The following CCDC171 variants were observed in gnomAD, a reference collection of about 807,000 sequenced individuals.
The protein encoded by CCDC171 is coiled-coil domain-containing protein 171.
A neutral mutation model predicts 168.2 loss-of-function variants in CCDC171; 177 were observed. That is an observed-to-expected ratio of 1.05 (90% confidence interval 0.93 to 1.19). The LOEUF (loss-of-function observed/expected upper bound fraction) is 1.19. Ranked by LOEUF, CCDC171 falls within the 50% of genes most tolerant of loss-of-function variation. CCDC171 has a pLI of 0.00. For synonymous variants in CCDC171, 687 were observed against 540.8 expected (o/e 1.27, Z -3.75); for missense variants, 1,991 against 1,539.0 (o/e 1.29, Z -4.91).
intron 2 of CCDC171, among the ~76,000 whole-genome samples, chr9:15,571,389 G>A (rs1243595125): frequency 1.3e-5 from 2 of 152,152 alleles, no homozygotes; most frequent in African/African-American, 2.4e-5. Flanking sequence ...GAATAATGTG[G>A]TAATTTCCCA....
intron 7 of CCDC171, among the ~76,000 whole-genome samples, chr9:15,647,701 A>G (rs982979976): frequency 6.6e-6 from 1 of 152,222 alleles, no homozygotes; most frequent in African/African-American, 2.4e-5. Flanking sequence ...AACCAGGAAG[A>G]GGTTGAATCC....
intron 7 of CCDC171, among the ~76,000 whole-genome samples, chr9:15,623,689 G>A (rs1235770281): frequency 1.3e-5 from 2 of 152,086 alleles, no homozygotes; most frequent in Admixed American, 1.3e-4. Context: ...AACTCTCATG[G>A]AATATTTGGG....
At chr9:15,855,756 C>G (rs1454006509) in intron 23 of CCDC171, among the ~76,000 whole-genome samples, 1 of 151,734 alleles carries the variant, frequency 6.6e-6, no homozygotes, top group Non-Finnish European at 1.5e-5. Flanking sequence ...CATCTTAATT[C>G]AAAACAATCT....
chr9:15,758,175 C>G (rs1017844913), intron 18 of CCDC171, among the ~76,000 whole-genome samples: 1 of 152,204 alleles, frequency 6.6e-6, no homozygotes, highest in Non-Finnish European at 1.5e-5. Flanking sequence ...ACACTCAATG[C>G]CAGCCCTTGA....
At chr9:15,822,496 C>T (rs2059822676) in intron 21 of CCDC171, among the ~76,000 whole-genome samples, 1 of 152,066 alleles carries the variant, frequency 6.6e-6, no homozygotes, top group East Asian at 1.9e-4. Flanking sequence ...AGAAAAAAAA[C>T]AAACACCCAC....
chr9:15,773,563 T>A (rs1057176767), intron 18 of CCDC171, among the ~76,000 whole-genome samples: 3 of 152,242 alleles, frequency 2.0e-5, no homozygotes, highest in Non-Finnish European at 2.9e-5. Flanking sequence ...AACAAATGTA[T>A]TTAACATAAG....
chr9:15,590,757 T>TTCTTTCTTTCTTTC (rs144256654), intron 4 of CCDC171, among the ~76,000 whole-genome samples: 7,721 of 132,972 alleles, frequency 0.058, 642 homozygotes, highest in East Asian at 0.14. Context: ...GATTTTTTTC[T>TTCTTTCTTTCTTTC]TCTTTCTTTC....
downstream of CCDC171, among the ~76,000 whole-genome samples, chr9:15,976,678 A>G (rs1316066224): frequency 6.6e-6 from 1 of 151,364 alleles, no homozygotes; most frequent in East Asian, 1.9e-4. Flanking sequence ...ATTAAATTAT[A>G]TATTTAAATA....
chr9:15,790,877 T>C (rs1361241189), intron 21 of CCDC171, among the ~76,000 whole-genome samples: 1 of 152,244 alleles, frequency 6.6e-6, no homozygotes, highest in Non-Finnish European at 1.5e-5. Context: ...TTCTTGTTTT[T>C]GTCAGGTTTG....
At chr9:15,630,205 G>C (rs202086762) in intron 7 of CCDC171, among the ~76,000 whole-genome samples, 1 of 152,156 alleles carries the variant, frequency 6.6e-6, no homozygotes, top group East Asian at 1.9e-4. Context: ...AATGGGCTAA[G>C]TGCTCCAATT....
At chr9:15,985,151 C>T (rs1196230147) in intron 3 of CCDC171, among the ~76,000 whole-genome samples, 1 of 152,064 alleles carries the variant, frequency 6.6e-6, no homozygotes, top group Admixed American at 6.6e-5. Flanking sequence ...AGCAGAGGAA[C>T]ATTTCACTGT....
intron 21 of CCDC171, among the ~76,000 whole-genome samples, chr9:15,795,755 G>A (rs963969725): frequency 2.0e-5 from 3 of 152,198 alleles, no homozygotes; most frequent in African/African-American, 7.2e-5. Flanking sequence ...GCAGCTACAT[G>A]AGAATTTGAC....
At chr9:15,667,864 C>T (rs2133191390) in intron 9 of CCDC171, among the ~76,000 whole-genome samples, 1 of 152,274 alleles carries the variant, frequency 6.6e-6, no homozygotes, top group Admixed American at 6.5e-5. Flanking sequence ...TTGCTTCCCT[C>T]TAGTATGACT....
At chr9:15,924,059 T>C (rs1825635825) in intron 25 of CCDC171, among the ~76,000 whole-genome samples, 1 of 151,464 alleles carries the variant, frequency 6.6e-6, no homozygotes, top group Non-Finnish European at 1.5e-5. Context: ...ATACACACCT[T>C]AAAAGGCTTT....
chr9:15,876,553 G>C (rs80176282), intron 24 of CCDC171, among the ~76,000 whole-genome samples: 7,329 of 152,130 alleles, frequency 0.048, 376 homozygotes, highest in South Asian at 0.13. Flanking sequence ...CTGCTAAGCT[G>C]AATTAATAAA....
chr9:15,921,812 T>C (rs1825368482), intron 25 of CCDC171, among the ~76,000 whole-genome samples: 1 of 151,660 alleles, frequency 6.6e-6, no homozygotes, highest in African/African-American at 2.4e-5. Flanking sequence ...TCTAGCCTTT[T>C]TCATATTTCT....
At chr9:16,067,686 G>T in the CCDC171 span, among the ~76,000 whole-genome samples, 2 of 152,196 alleles carry the variant, frequency 1.3e-5, no homozygotes, top group Non-Finnish European at 2.9e-5. Flanking sequence ...CATATGGCTA[G>T]CCAGTTTTCC....
intron 25 of CCDC171, among the ~76,000 whole-genome samples, chr9:15,923,773 C>T (rs1247166446): frequency 1.3e-5 from 2 of 151,314 alleles, no homozygotes; most frequent in South Asian, 2.1e-4. Context: ...TTTCATCTTG[C>T]AATTAAAAAA....
chr9:16,033,042 A>G (rs1410438506), intron 6 of CCDC171, among the ~76,000 whole-genome samples: 1 of 152,142 alleles, frequency 6.6e-6, no homozygotes, highest in Non-Finnish European at 1.5e-5. Flanking sequence ...CACCCAAACC[A>G]TGAGCCAGGG....
Sources: allele counts gnomAD v4.1 joint callset (sites outside exome capture counted in the v4.1 genomes callset), GRCh38; gene constraint gnomAD v4.1.1; transcripts MANE v1.5; gene names NCBI Gene and HGNC (gene_info 2026-07-23, HGNC 2026-07-21).